The following MAGI1 variants were observed in gnomAD, a reference collection of about 807,000 sequenced individuals.
MAGI1 encodes membrane associated guanylate kinase, WW and PDZ domain containing 1, also known as membrane-associated guanylate kinase, WW and PDZ domain-containing protein 1.
A neutral mutation model predicts 139.9 loss-of-function variants in MAGI1; 58 were observed. The observed-to-expected ratio is 0.41, with a 90% CI of 0.34 to 0.52. The LOEUF is 0.52. Ranked by LOEUF, MAGI1 falls within the 20% of genes least tolerant of loss-of-function variation. MAGI1 has a pLI of 0.12. For missense variants in MAGI1, 1,874 were observed against 1,901.6 expected, an observed-to-expected ratio of 0.99 and a Z score of 0.27; for synonymous variants, 812 against 737.9, an observed-to-expected ratio of 1.10 and a Z score of -1.63.
intron 1 of MAGI1, among the ~76,000 whole-genome samples, chr3:65,623,346 A>G (rs1249892186): frequency 1.3e-5 from 2 of 152,220 alleles, no homozygotes; most frequent in African/African-American, 4.8e-5. Flanking sequence ...AACAAAAGAA[A>G]AGCTAAAAAT....
At chr3:65,643,846 C>T (rs1224812489) in intron 1 of MAGI1, among the ~76,000 whole-genome samples, 3 of 152,112 alleles carry the variant, frequency 2.0e-5, no homozygotes, top group East Asian at 1.9e-4. Context: ...CTTAGAATTC[C>T]GCCCTTTTCA....
chr3:65,986,043 T>A (rs1398402263), intron 1 of MAGI1, among the ~76,000 whole-genome samples: 1 of 152,170 alleles, frequency 6.6e-6, no homozygotes, highest in Non-Finnish European at 1.5e-5. Context: ...AGCTCAAGGG[T>A]AAAAGGGTAT....
intron 2 of MAGI1, among the ~76,000 whole-genome samples, chr3:65,577,711 C>T (rs1170707221): frequency 6.6e-6 from 1 of 152,142 alleles, no homozygotes; most frequent in East Asian, 1.9e-4. Flanking sequence ...AAGAAGATGG[C>T]TTACACTTAA....
At chr3:65,967,882 A>T (rs2064834172) in intron 1 of MAGI1, among the ~76,000 whole-genome samples, 1 of 152,200 alleles carries the variant, frequency 6.6e-6, no homozygotes, top group Non-Finnish European at 1.5e-5. Context: ...AAGCTGAGCC[A>T]GCGATTAAAG....
intron 2 of MAGI1, chr3:65,619,845 T>G: frequency 1.0e-6 from 1 of 984,634 alleles, no homozygotes; most frequent in Non-Finnish European, 1.2e-6. Context: ...TAAAATGAAT[T>G]GTTACCTGTT....
chr3:65,458,761 G>T (rs1406660867), intron 5 of MAGI1, among the ~76,000 whole-genome samples: 4 of 152,098 alleles, frequency 2.6e-5, no homozygotes, highest in African/African-American at 9.7e-5. Context: ...TCTGTGGGTT[G>T]TCTCCTCACT....
At chr3:65,609,811 A>C (rs1380063247) in intron 2 of MAGI1, 2 of 319,128 alleles carry the variant, frequency 6.3e-6, no homozygotes. Flanking sequence ...TCCTGGGCTC[A>C]AATGATCTGC....
chr3:65,488,088 C>T (rs1951742052), intron 3 of MAGI1, among the ~76,000 whole-genome samples: 2 of 152,114 alleles, frequency 1.3e-5, no homozygotes, highest in African/African-American at 2.4e-5. Flanking sequence ...GTGCTTGCTT[C>T]CCCTCCCTTT....
chr3:65,873,176 A>C (rs1353998140), intron 1 of MAGI1: 1 of 152,182 alleles, frequency 6.6e-6, no homozygotes, highest in Non-Finnish European at 1.5e-5. Context: ...CCGTGGGTAA[A>C]GTGCTGATTT....
intron 1 of MAGI1, among the ~76,000 whole-genome samples, chr3:65,973,821 T>C (rs1434171591): frequency 6.6e-6 from 1 of 152,210 alleles, no homozygotes; most frequent in Non-Finnish European, 1.5e-5. Flanking sequence ...CCAAGTCTCA[T>C]TTTCTTTCTT....
intron 1 of MAGI1, among the ~76,000 whole-genome samples, chr3:65,790,052 C>G (rs1302173348): frequency 1.3e-5 from 2 of 152,118 alleles, no homozygotes; most frequent in Non-Finnish European, 2.9e-5. Flanking sequence ...ACTTACAGAC[C>G]TAACTAAAGA....
chr3:65,796,050 C>CAAAA (rs35663778), intron 1 of MAGI1, among the ~76,000 whole-genome samples: 23 of 103,018 alleles, frequency 2.2e-4, no homozygotes, highest in African/African-American at 4.3e-4. Context: ...GACTCTGTCT[C>CAAAA]AAAAAAAAAA....
intron 2 of MAGI1, chr3:65,597,562 A>T: frequency 2.4e-6 from 1 of 422,224 alleles, no homozygotes; most frequent in South Asian, 1.6e-5. Context: ...ATTAAAACGC[A>T]GCCGCAGCCA....
chr3:65,692,688 T>C (rs555362752), intron 1 of MAGI1, among the ~76,000 whole-genome samples: 3 of 152,274 alleles, frequency 2.0e-5, no homozygotes, highest in East Asian at 3.9e-4. Flanking sequence ...GATTGGGTCA[T>C]GAGGGCTCTG....
At chr3:65,862,113 C>T (rs1038168132) in intron 1 of MAGI1, among the ~76,000 whole-genome samples, 28 of 152,084 alleles carry the variant, frequency 1.8e-4, no homozygotes, top group Non-Finnish European at 3.8e-4. Flanking sequence ...TTTTGTTTAC[C>T]TTCTCTTCTT....
chr3:65,378,213 G>T (rs1257049071), intron 17 of MAGI1, among the ~76,000 whole-genome samples: 2 of 152,044 alleles, frequency 1.3e-5, no homozygotes, highest in Non-Finnish European at 2.9e-5. Context: ...CAATCATCTG[G>T]GTTTCTATTG....
intron 1 of MAGI1, among the ~76,000 whole-genome samples, chr3:65,831,612 GA>G (rs1347373663): frequency 6.6e-6 from 1 of 152,064 alleles, no homozygotes; most frequent in Non-Finnish European, 1.5e-5. Flanking sequence ...TGCCGTTTTT[GA>G]ACTAAAAAGC....
At chr3:65,567,336 T>C (rs1279734448) in intron 2 of MAGI1, among the ~76,000 whole-genome samples, 2 of 151,028 alleles carry the variant, frequency 1.3e-5, no homozygotes, top group African/African-American at 4.9e-5. Context: ...GCTGACTGTG[T>C]AAAAAGTATG....
intron 1 of MAGI1, among the ~76,000 whole-genome samples, chr3:65,998,115 A>AAG (rs972335698): frequency 2.0e-5 from 3 of 151,974 alleles, no homozygotes; most frequent in African/African-American, 7.2e-5. Context: ...GAAAAAAAAA[A>AAG]AAAAAACAAA....
Sources: allele counts gnomAD v4.1 joint callset (sites outside exome capture counted in the v4.1 genomes callset), GRCh38; gene constraint gnomAD v4.1.1; transcripts MANE v1.5; gene names NCBI Gene and HGNC (gene_info 2026-07-23, HGNC 2026-07-21).